The following NSMCE2 variants were observed in gnomAD, a reference collection of about 807,000 sequenced individuals.
NSMCE2 encodes the protein E3 SUMO-protein ligase NSE2.
A neutral mutation model predicts 23.8 loss-of-function variants in NSMCE2; 24 were observed. That is an observed-to-expected ratio of 1.01 (90% CI 0.73 to 1.42). The LOEUF (loss-of-function observed/expected upper bound fraction) is 1.42, where lower values mean the gene tolerates loss of function less well. Among genes scored for constraint, NSMCE2 ranks in the 40% most tolerant of loss-of-function variants. The pLI is 0.00. For missense variants in NSMCE2, 284 were observed against 296.5 expected (o/e 0.96, Z 0.31); for synonymous variants, 92 against 94.1 (o/e 0.98, Z 0.13).
intron 5 of NSMCE2, among the ~76,000 whole-genome samples, chr8:125,218,392 A>G (rs1824696072): frequency 6.6e-6 from 1 of 151,690 alleles, no homozygotes; most frequent in Non-Finnish European, 1.5e-5. Flanking sequence ...GGATAAAAAT[A>G]GCATATTCTG....
At chr8:125,138,229 A>G (rs1213092893) in intron 3 of NSMCE2, among the ~76,000 whole-genome samples, 3 of 152,028 alleles carry the variant, frequency 2.0e-5, no homozygotes, top group African/African-American at 7.2e-5. Flanking sequence ...TTTTAAATTT[A>G]TTTTCTCTTT....
chr8:125,208,776 AG>A (rs1824212589), intron 5 of NSMCE2, among the ~76,000 whole-genome samples: 1 of 152,218 alleles, frequency 6.6e-6, no homozygotes, highest in African/African-American at 2.4e-5. Flanking sequence ...ATAAGTGGAG[AG>A]GTAGGAATCC....
At chr8:125,131,639 G>A (rs569911248) in intron 3 of NSMCE2, among the ~76,000 whole-genome samples, 1 of 152,288 alleles carries the variant, frequency 6.6e-6, no homozygotes, top group South Asian at 2.1e-4. Flanking sequence ...GTAAGTACTT[G>A]AGAGGAGAGA....
chr8:125,146,794 T>A (rs1586511410), intron 3 of NSMCE2, among the ~76,000 whole-genome samples: 1 of 152,030 alleles, frequency 6.6e-6, no homozygotes, highest in South Asian at 2.1e-4. Context: ...ATACCTAATG[T>A]TAAATGACGA....
chr8:125,180,870 A>C (rs1257401055), intron 4 of NSMCE2, among the ~76,000 whole-genome samples: 2 of 152,250 alleles, frequency 1.3e-5, no homozygotes, highest in East Asian at 3.8e-4. Flanking sequence ...TTTGAAATAC[A>C]TGTTGAGTAC....
chr8:125,302,807 C>G (rs1828615853), intron 5 of NSMCE2, among the ~76,000 whole-genome samples: 1 of 152,118 alleles, frequency 6.6e-6, no homozygotes. Flanking sequence ...CATCACATTG[C>G]TGTAGCAAGA....
At chr8:125,116,386 G>T (rs1819007578) in intron 3 of NSMCE2, among the ~76,000 whole-genome samples, 1 of 152,174 alleles carries the variant, frequency 6.6e-6, no homozygotes, top group East Asian at 1.9e-4. Context: ...TGAGATCAAA[G>T]ATTTTCTTCC....
intron 5 of NSMCE2, among the ~76,000 whole-genome samples, chr8:125,333,625 C>T (rs939047440): frequency 6.1e-5 from 9 of 148,238 alleles, no homozygotes; most frequent in Non-Finnish European, 1.2e-4. Flanking sequence ...CGCCATTCTC[C>T]TGCCTCAGCC....
At chr8:125,261,332 G>A (rs1320810952) in intron 5 of NSMCE2, among the ~76,000 whole-genome samples, 2 of 152,176 alleles carry the variant, frequency 1.3e-5, no homozygotes, top group Non-Finnish European at 2.9e-5. Flanking sequence ...CTTTCTGTCA[G>A]AAAACTCCAG....
chr8:125,145,315 C>A lies in NSMCE2; in HGVS notation c.158-5856C>A, dbSNP rs1820613417. 5.3e-5 allele frequency among the ~76,000 whole-genome samples: 8 copies of A among 152,266 alleles called. No individual in the cohort carries two copies. The South Asian group carries it at 1.7e-3, about 32-fold the overall frequency. ...GACAGCCCTGGCACTGGCATACTTA[C>A]AGAAACAGCTAGAATTTTATAATGT... On this transcript the variant is annotated intron_variant, in intron 3 of 7. Transcript: ENST00000287437.
intron 5 of NSMCE2, among the ~76,000 whole-genome samples, chr8:125,263,345 A>T (rs1826778788): frequency 6.6e-6 from 1 of 152,172 alleles, no homozygotes; most frequent in Non-Finnish European, 1.5e-5. Context: ...ATACTCAGTT[A>T]TACCTGCTGG....
intron 3 of NSMCE2, among the ~76,000 whole-genome samples, chr8:125,114,910 C>CTT (rs1339171370): frequency 6.6e-6 from 1 of 152,164 alleles, no homozygotes; most frequent in Non-Finnish European, 1.5e-5. Context: ...CTTTATTGCT[C>CTT]TTTTTGCTGG....
chr8:125,177,516 T>G (rs1822557124), intron 4 of NSMCE2, among the ~76,000 whole-genome samples: 1 of 152,210 alleles, frequency 6.6e-6, no homozygotes, highest in South Asian at 2.1e-4. Flanking sequence ...CAGTGTAATT[T>G]AGCCTTCTGA....
chr8:125,324,825 C>T (rs1829595869), intron 5 of NSMCE2, among the ~76,000 whole-genome samples: 1 of 58,392 alleles, frequency 1.7e-5, no homozygotes, highest in Non-Finnish European at 5.6e-5. Flanking sequence ...CCGCCCGCCT[C>T]GGCCTCCCAA....
At chr8:125,300,610 G>T (rs1286025312) in intron 5 of NSMCE2, among the ~76,000 whole-genome samples, 2 of 152,216 alleles carry the variant, frequency 1.3e-5, no homozygotes, top group Admixed American at 6.5e-5. Flanking sequence ...ATGCCATGGG[G>T]TACAAAGATG....
chr8:125,134,700 C>T (rs1222569687), intron 3 of NSMCE2, among the ~76,000 whole-genome samples: 5 of 148,634 alleles, frequency 3.4e-5, no homozygotes, highest in African/African-American at 1.2e-4. Flanking sequence ...TTCCTTCCAG[C>T]CTCTTTGTTT....
At chr8:125,341,053 A>T (rs891210016) in intron 5 of NSMCE2, among the ~76,000 whole-genome samples, 5 of 152,026 alleles carry the variant, frequency 3.3e-5, no homozygotes, top group African/African-American at 1.2e-4. Flanking sequence ...AGGCTTTCCC[A>T]ATCACTTTAA....
chr8:125,126,143 G>A (rs1183403375), intron 3 of NSMCE2, among the ~76,000 whole-genome samples: 2 of 152,124 alleles, frequency 1.3e-5, no homozygotes, highest in African/African-American at 4.8e-5. Context: ...AGCACTTTGA[G>A]AGGCCAAGGC....
In NSMCE2 at chr8:125,302,715, G is replaced by A. The variant is rs561381820; in HGVS notation, c.419-54504G>A. On this transcript the variant is annotated intron_variant, in intron 5 of 7. Transcript: ENST00000287437. ...CCCTGAGACAGAGGGGTTGGGGAGC[G>A]TGCAGGGGCAGTATTCAAACCCAGA... 3.8e-4 allele frequency among the ~76,000 whole-genome samples: 58 copies of A among 152,224 alleles called. No individual in the cohort carries two copies. The South Asian group carries it at 0.01, about 27-fold the overall frequency.
Sources: gnomAD v4.1 joint callset for allele counts (sites outside exome capture counted in the v4.1 genomes callset) on GRCh38, gnomAD v4.1.1 for gene constraint, MANE v1.5 for transcripts, NCBI Gene and HGNC (gene_info 2026-07-23, HGNC 2026-07-21) for gene names.